Variants in ZFAT observed in about 807,000 individuals in gnomAD.
The protein encoded by ZFAT is zinc finger protein ZFAT.
In ZFAT, 64 loss-of-function variants were observed where a neutral mutation model predicts 117.7. The observed-to-expected ratio is 0.54, with a 90% CI of 0.44 to 0.67. ZFAT has a LOEUF of 0.67. Among genes scored for constraint, ZFAT ranks in the 30% least tolerant of loss-of-function variants. The pLI is 0.00. For synonymous variants in ZFAT, 679 were observed against 615.0 expected, an observed-to-expected ratio of 1.10 and a Z score of -1.54; for missense variants, 1,433 against 1,584.5, an observed-to-expected ratio of 0.90 and a Z score of 1.62.
At chr8:134,512,992 G>A (rs1644825708) in intron 13 of ZFAT, among the ~76,000 whole-genome samples, 1 of 152,180 alleles carries the variant, frequency 6.6e-6, no homozygotes, top group African/African-American at 2.4e-5. Context: ...TGGGGACTGG[G>A]TGCCATGTGG....
At chr8:134,805,030 C>T in the ZFAT span, 1 of 440,150 alleles carries the variant, frequency 2.3e-6, no homozygotes, top group African/African-American at 2.1e-5. Flanking sequence ...TATATAATTT[C>T]TAGTGCTGAA....
At chr8:134,789,202 C>T in the ZFAT span, among the ~76,000 whole-genome samples, 2 of 152,142 alleles carry the variant, frequency 1.3e-5, no homozygotes, top group African/African-American at 4.8e-5. Flanking sequence ...AACATGCACC[C>T]TTGTCTTCAT....
At chr8:134,647,708 T>C (rs1830981966) in intron 2 of ZFAT, among the ~76,000 whole-genome samples, 1 of 152,208 alleles carries the variant, frequency 6.6e-6, no homozygotes, top group Non-Finnish European at 1.5e-5. Context: ...TACAAAGATC[T>C]GTTGTGTTTC....
chr8:134,648,804 T>TGAAACC (rs1831050185), intron 2 of ZFAT, among the ~76,000 whole-genome samples: 1 of 152,014 alleles, frequency 6.6e-6, no homozygotes, highest in Non-Finnish European at 1.5e-5. Context: ...ACTATTACCC[T>TGAAACC]GAAACCAAAA....
intron 3 of ZFAT, among the ~76,000 whole-genome samples, chr8:134,613,565 G>A (rs951190520): frequency 6.6e-6 from 1 of 152,032 alleles, no homozygotes; most frequent in South Asian, 2.1e-4. Context: ...CCTTCCCCAC[G>A]GCTGCTTTGG....
chr8:134,804,758 C>CT, the ZFAT span: 2 of 450,784 alleles, frequency 4.4e-6, no homozygotes, highest in South Asian at 3.4e-5. Context: ...AATACGTGCA[C>CT]TGTCAGTGCA....
intron 15 of ZFAT, among the ~76,000 whole-genome samples, chr8:134,500,098 G>A (rs1395284172): frequency 2.6e-5 from 4 of 152,200 alleles, no homozygotes; most frequent in Non-Finnish European, 5.9e-5. Flanking sequence ...TCCCGTCAGG[G>A]CTATTACAGC....
At chr8:134,543,695 G>A (rs1822456929) in intron 11 of ZFAT, among the ~76,000 whole-genome samples, 2 of 152,188 alleles carry the variant, frequency 1.3e-5, no homozygotes, top group Non-Finnish European at 2.9e-5. Context: ...AAGTGAGAAG[G>A]GGCTATGGTC....
At chr8:134,529,879 C>T (rs534647732) in intron 12 of ZFAT, among the ~76,000 whole-genome samples, 1 of 152,332 alleles carries the variant, frequency 6.6e-6, no homozygotes, top group South Asian at 2.1e-4. Context: ...TTTGGGAACA[C>T]ACTGTAAACC....
intron 11 of ZFAT, among the ~76,000 whole-genome samples, chr8:134,534,444 G>C (rs1158935624): frequency 6.6e-6 from 1 of 152,202 alleles, no homozygotes; most frequent in East Asian, 1.9e-4. Flanking sequence ...CACCAACAGA[G>C]AGAAAATGTC....
intron 3 of ZFAT, among the ~76,000 whole-genome samples, chr8:134,633,283 A>T (rs897940539): frequency 3.9e-4 from 60 of 152,254 alleles, no homozygotes; most frequent in African/African-American, 1.4e-3. Context: ...AAGAGCTATT[A>T]GCTGTAAAAC....
chr8:134,527,691 A>G (rs1013557463), intron 12 of ZFAT, among the ~76,000 whole-genome samples: 1 of 152,168 alleles, frequency 6.6e-6, no homozygotes, highest in Non-Finnish European at 1.5e-5. Context: ...TCTGAATCCT[A>G]TTTAAATCCC....
intron 15 of ZFAT, among the ~76,000 whole-genome samples, chr8:134,490,395 G>A (rs546143270): frequency 2.5e-4 from 38 of 152,326 alleles, no homozygotes; most frequent in Middle Eastern, 3.4e-3. Flanking sequence ...GTTCAACCAC[G>A]AAGAGGACTA....
chr8:134,758,824 G>A, the ZFAT span, among the ~76,000 whole-genome samples: 1 of 152,196 alleles, frequency 6.6e-6, no homozygotes, highest in East Asian at 1.9e-4. Flanking sequence ...GATCCATCCT[G>A]ATCCGTGGCA....
intron 11 of ZFAT, among the ~76,000 whole-genome samples, chr8:134,563,056 T>C (rs539904856): frequency 1.3e-5 from 2 of 152,362 alleles, no homozygotes; most frequent in Admixed American, 1.3e-4. Context: ...CTCTATTCTC[T>C]AGCACAATAA....
chr8:134,478,686 G>A lies in ZFAT; in HGVS notation c.3528C>T (p.Val1176=). Residue 1176 remains valine (V), a synonymous_variant, in exon 16 of 16, where the codon GTC becomes GTT. Transcript: ENST00000377838. The surrounding 1 kb of genome is among the most constrained non-coding windows in gnomAD (Gnocchi z 5.2). ...TEEEPSSNHT[V]MIQETVQQAS... ...CTTGCTGGACCGTCTCCTGGATCAT[G>A]ACCGTGTGGTTGGAGCTGGGCTCCT... 1 of 1,578,810 alleles carries A rather than the reference G, an allele frequency of 6.3e-7. No homozygotes were observed. The highest frequency in any genetic ancestry group is 8.6e-7 in the Non-Finnish European group (1 of 1,162,784).
the ZFAT span, among the ~76,000 whole-genome samples, chr8:134,744,045 C>T: frequency 1.3e-5 from 2 of 152,196 alleles, no homozygotes; most frequent in South Asian, 2.1e-4. Flanking sequence ...GCAAGCTACA[C>T]AAATTTATTA....
intron 1 of ZFAT, among the ~76,000 whole-genome samples, chr8:134,681,403 G>T (rs1303842999): frequency 1.3e-5 from 2 of 152,228 alleles, no homozygotes; most frequent in African/African-American, 4.8e-5. Context: ...TACCTGCAGT[G>T]ACAGCCTCAC....
At chr8:134,711,476 C>T (rs772604350) in intron 1 of ZFAT, among the ~76,000 whole-genome samples, 4 of 152,160 alleles carry the variant, frequency 2.6e-5, no homozygotes, top group Non-Finnish European at 4.4e-5. Context: ...ATCAGCTGGG[C>T]ACCACAGCTA....
Sources: gnomAD v4.1 joint callset for allele counts (sites outside exome capture counted in the v4.1 genomes callset) on GRCh38, gnomAD v4.1.1 for gene constraint, Gnocchi (gnomAD v3.1) non-coding constraint, MANE v1.5 for transcripts, NCBI Gene and HGNC (gene_info 2026-07-23, HGNC 2026-07-21) for gene names.